Variants in PDZRN4 observed in about 807,000 individuals in gnomAD.
PDZRN4 encodes PDZ domain-containing RING finger protein 4.
Under a neutral mutation model 99.0 loss-of-function variants are expected in PDZRN4, and 70 were observed. The ratio of observed to expected loss-of-function variants is 0.71; its 90% CI spans 0.58 to 0.86. The LOEUF is 0.86. Among genes scored for constraint, PDZRN4 ranks in the 40% least tolerant of loss-of-function variants. The pLI is 0.00. For synonymous variants in PDZRN4, 551 were observed against 501.6 expected (o/e 1.10, Z -1.32); for missense variants, 1,474 against 1,331.2 (o/e 1.11, Z -1.67).
intron 3 of PDZRN4, among the ~76,000 whole-genome samples, chr12:41,303,631 G>C (rs1484642640): frequency 6.6e-6 from 1 of 152,142 alleles, no homozygotes; most frequent in African/African-American, 2.4e-5. Flanking sequence ...TGTCTGATTT[G>C]TCATCATCTT....
intron 3 of PDZRN4, among the ~76,000 whole-genome samples, chr12:41,334,422 A>T (rs1951760550): frequency 6.6e-6 from 1 of 151,718 alleles, no homozygotes; most frequent in Non-Finnish European, 1.5e-5. Context: ...AAGAAGCCAA[A>T]TTGATGACTG....
rs530578152 is a variant in PDZRN4, at chr12:41,519,778, T to C, written c.1203+9865T>C. 2.4e-4 allele frequency among the ~76,000 whole-genome samples: 37 copies of C among 152,250 alleles called. 1 individual carries two copies. The East Asian group carries it at 6.2e-3, about 26-fold the overall frequency. On this transcript the variant is annotated intron_variant, in intron 5 of 9. Transcript: ENST00000402685. ...GTTTTACCTCTTAGTAGATATATTG[T>C]GGTTTCCCCACACCCACTTTCACAA...
intron 3 of PDZRN4, among the ~76,000 whole-genome samples, chr12:41,237,881 C>T (rs574749277): frequency 5.9e-5 from 9 of 152,150 alleles, no homozygotes; most frequent in Admixed American, 3.3e-4. Context: ...CCTTGTAGTA[C>T]AGTTTGAAGT....
chr12:41,533,103 A>G (rs1938688154), intron 5 of PDZRN4, among the ~76,000 whole-genome samples: 1 of 151,960 alleles, frequency 6.6e-6, no homozygotes. Context: ...TTTTTTCTAC[A>G]ATTCAGGATC....
chr12:41,574,374 C>G lies in PDZRN4; in HGVS notation c.*484C>G, dbSNP rs935344971. The stretch of plus-strand genomic sequence containing the variant: ...CCACATCTTGTCTTACACATAAAAG[C>G]CACTGCTTTTAACATCCCATTGTAC... On this transcript the variant is annotated 3_prime_UTR_variant, in exon 10 of 10. Transcript: ENST00000402685. 1.3e-5 allele frequency: 2 copies of G among 152,924 alleles called. No individual in the cohort carries two copies. 9.5% of individuals were successfully genotyped at this position (152,924 alleles called of 1,614,324 possible). A position where few individuals can be genotyped will look rare whatever the true frequency, so the allele number is the denominator to read the frequency against.
chr12:41,332,206 C>T (rs548315034), intron 3 of PDZRN4, among the ~76,000 whole-genome samples: 4 of 152,152 alleles, frequency 2.6e-5, no homozygotes, highest in East Asian at 1.9e-4. Flanking sequence ...CAGATGGTTA[C>T]GTTCACCTGG....
intron 3 of PDZRN4, among the ~76,000 whole-genome samples, chr12:41,306,539 C>G (rs2120940555): frequency 6.6e-6 from 1 of 152,294 alleles, no homozygotes; most frequent in Non-Finnish European, 1.5e-5. Context: ...CCATAGTTCA[C>G]AACTCTACTA....
At chr12:41,285,246 C>T (rs1951415559) in intron 3 of PDZRN4, among the ~76,000 whole-genome samples, 1 of 152,070 alleles carries the variant, frequency 6.6e-6, no homozygotes, top group South Asian at 2.1e-4. Context: ...GGCTAACAAA[C>T]ATATGAAAAG....
intron 3 of PDZRN4, among the ~76,000 whole-genome samples, chr12:41,484,013 C>T (rs1225943484): frequency 2.0e-5 from 3 of 152,016 alleles, no homozygotes; most frequent in Non-Finnish European, 4.4e-5. Flanking sequence ...TTTTCAAATA[C>T]CTAAATAGAT....
chr12:41,506,103 A>G (rs1938200460), intron 3 of PDZRN4, among the ~76,000 whole-genome samples: 2 of 152,162 alleles, frequency 1.3e-5, no homozygotes, highest in South Asian at 2.1e-4. Context: ...AGATTGATAG[A>G]TCATGAAAAA....
At chr12:41,493,662 G>T (rs563122179) in intron 3 of PDZRN4, among the ~76,000 whole-genome samples, 9 of 152,100 alleles carry the variant, frequency 5.9e-5, no homozygotes, top group Non-Finnish European at 1.2e-4. Context: ...TCCAGCTGCT[G>T]TCTTAGGGAA....
intron 3 of PDZRN4, among the ~76,000 whole-genome samples, chr12:41,481,512 T>C (rs778865932): frequency 2.0e-5 from 3 of 152,104 alleles, no homozygotes; most frequent in Non-Finnish European, 4.4e-5. Context: ...ATCTGGTAAA[T>C]TAGTCTTATC....
At chr12:41,380,103 T>A (rs1317064668) in intron 3 of PDZRN4, among the ~76,000 whole-genome samples, 2 of 152,104 alleles carry the variant, frequency 1.3e-5, no homozygotes, top group African/African-American at 4.8e-5. Flanking sequence ...TTACCTTCTT[T>A]GTCTCTTATG....
intron 5 of PDZRN4, among the ~76,000 whole-genome samples, chr12:41,544,694 A>T (rs180846458): frequency 6.6e-6 from 1 of 152,348 alleles, no homozygotes; most frequent in African/African-American, 2.4e-5. Context: ...CATAATTGCC[A>T]AGAAGCTACT....
intron 3 of PDZRN4, among the ~76,000 whole-genome samples, chr12:41,443,718 A>G (rs1156520487): frequency 6.6e-6 from 1 of 152,110 alleles, no homozygotes; most frequent in Non-Finnish European, 1.5e-5. Context: ...GGTAATTTCA[A>G]TAGGTATGTG....
At chr12:41,252,020 G>A (rs1450324446) in intron 3 of PDZRN4, among the ~76,000 whole-genome samples, 2 of 152,120 alleles carry the variant, frequency 1.3e-5, no homozygotes, top group Admixed American at 6.5e-5. Context: ...GGATATTGAG[G>A]TGGGAGGATT....
chr12:41,287,781 T>C (rs1705357539), intron 3 of PDZRN4, among the ~76,000 whole-genome samples: 1 of 152,226 alleles, frequency 6.6e-6, no homozygotes, highest in South Asian at 2.1e-4. Flanking sequence ...ACAGAAGCCT[T>C]ACTGTTTAGT....
In PDZRN4 at chr12:41,570,737, A is replaced by G. The variant is rs142690279; in HGVS notation, c.1585-1627A>G. ...TGGTGTAGTATAAAGACATTGCCATATTAAATACTATTGTCACCTTATAAG... is the reference window on the plus strand; with the variant it reads ...TGGTGTAGTATAAAGACATTGCCATGTTAAATACTATTGTCACCTTATAAG... On this transcript the variant is annotated intron_variant, in intron 9 of 9. Coordinates refer to ENST00000402685, the MANE Select transcript of PDZRN4 (RefSeq NM_001164595.2). Among the ~76,000 whole-genome samples, 392 of 152,308 alleles carry G rather than the reference A, an allele frequency of 2.6e-3. 2 individuals carry two copies. Among genetic ancestry groups the G allele is most frequent in the African/African-American group, 9.1e-3 (377 of 41,576 alleles).
At chr12:41,301,808 T>C (rs1007189853) in intron 3 of PDZRN4, among the ~76,000 whole-genome samples, 1 of 152,018 alleles carries the variant, frequency 6.6e-6, no homozygotes, top group Non-Finnish European at 1.5e-5. Flanking sequence ...TTTGCTTGAG[T>C]CTCACAATTC....
Sources: gnomAD v4.1 joint callset for allele counts (sites outside exome capture counted in the v4.1 genomes callset) on GRCh38, gnomAD v4.1.1 for gene constraint, MANE v1.5 for transcripts, NCBI Gene and HGNC (gene_info 2026-07-23, HGNC 2026-07-21) for gene names.